Variants in KAZN observed in about 807,000 individuals in gnomAD.
The protein encoded by KAZN is kazrin, periplakin interacting protein.
Under a neutral mutation model 87.4 loss-of-function variants are expected in KAZN, and 40 were observed. The observed-to-expected ratio is 0.46, with a 90% CI of 0.36 to 0.60. The LOEUF is 0.60. Ranked by LOEUF, KAZN falls within the 20% of genes least tolerant of loss-of-function variation. KAZN has a pLI of 0.00. For missense variants in KAZN, 898 were observed against 1,073.9 expected (o/e 0.84, Z 2.29); for synonymous variants, 466 against 458.3 (o/e 1.02, Z -0.22).
At chr1:14,588,923 G>T (rs1008209259) in intron 2 of KAZN, among the ~76,000 whole-genome samples, 1 of 152,114 alleles carries the variant, frequency 6.6e-6, no homozygotes, top group South Asian at 2.1e-4. Flanking sequence ...TTGCACTTGC[G>T]GTCCCAGTGT....
At chr1:14,690,925 A>T (rs552312753) in intron 1 of KAZN, among the ~76,000 whole-genome samples, 2 of 152,112 alleles carry the variant, frequency 1.3e-5, no homozygotes, top group East Asian at 3.9e-4. Flanking sequence ...TATTCTTCCT[A>T]ATTTTGCAGA....
chr1:14,041,955 T>C (rs1209189503), intron 1 of KAZN, among the ~76,000 whole-genome samples: 1 of 152,208 alleles, frequency 6.6e-6, no homozygotes, highest in African/African-American at 2.4e-5. Flanking sequence ...TGATCCTTTG[T>C]GACATTCCTC....
intron 2 of KAZN, among the ~76,000 whole-genome samples, chr1:15,016,611 T>A (rs572906565): frequency 8.5e-5 from 13 of 152,194 alleles, no homozygotes; most frequent in African/African-American, 3.1e-4. Flanking sequence ...TTTTAAGCCC[T>A]CAGATTGTGG....
At chr1:14,141,767 T>G (rs77467332) in intron 1 of KAZN, among the ~76,000 whole-genome samples, 1 of 152,104 alleles carries the variant, frequency 6.6e-6, no homozygotes. Flanking sequence ...CTGAATGCAA[T>G]TTTTTTAAGG....
At chr1:14,726,100 C>T (rs981004640) in intron 1 of KAZN, among the ~76,000 whole-genome samples, 1 of 152,210 alleles carries the variant, frequency 6.6e-6, no homozygotes, top group Non-Finnish European at 1.5e-5. Flanking sequence ...CCAGCCTCAC[C>T]TCATCTGGCA....
intron 2 of KAZN, among the ~76,000 whole-genome samples, chr1:14,243,469 C>G (rs11577820): frequency 0.04 from 6,155 of 152,172 alleles, 179 homozygotes; most frequent in South Asian, 0.079. Context: ...ATAAACGTGG[C>G]GATGGTCGGT....
chr1:14,431,821 G>T (rs1165004511), intron 2 of KAZN, among the ~76,000 whole-genome samples: 1 of 152,176 alleles, frequency 6.6e-6, no homozygotes, highest in Non-Finnish European at 1.5e-5. Context: ...ACTGAAGGCT[G>T]CACTGTTGTC....
intron 2 of KAZN, among the ~76,000 whole-genome samples, chr1:15,001,419 T>C (rs972657892): frequency 7.2e-5 from 11 of 151,748 alleles, no homozygotes; most frequent in Admixed American, 7.2e-4. Flanking sequence ...TGAGCCCAGA[T>C]TGCACCACTA....
intron 1 of KAZN, among the ~76,000 whole-genome samples, chr1:14,033,371 G>A (rs1449379446): frequency 6.6e-6 from 1 of 152,180 alleles, no homozygotes; most frequent in Non-Finnish European, 1.5e-5. Context: ...AAACGAGGAG[G>A]CTCTGAATGC....
chr1:14,457,824 G>T (rs10803281), intron 2 of KAZN, among the ~76,000 whole-genome samples: 75,261 of 142,246 alleles, frequency 0.53, 19,773 homozygotes, highest in African/African-American at 0.65. Context: ...TTTTTGTTTT[G>T]TTTTTTTTTT....
intron 1 of KAZN, among the ~76,000 whole-genome samples, chr1:13,950,298 C>T (rs912070655): frequency 6.6e-6 from 1 of 152,192 alleles, no homozygotes; most frequent in African/African-American, 2.4e-5. Flanking sequence ...CCTTCCAGGT[C>T]ACCTCTTCTG....
At chr1:14,190,108 G>A (rs12066612) in intron 2 of KAZN, among the ~76,000 whole-genome samples, 1 of 152,082 alleles carries the variant, frequency 6.6e-6, no homozygotes, top group East Asian at 1.9e-4. Flanking sequence ...GTGTAGGCTT[G>A]TGACAGAGCT....
chr1:14,410,810 G>A (rs1046265013), intron 2 of KAZN, among the ~76,000 whole-genome samples: 2 of 152,120 alleles, frequency 1.3e-5, no homozygotes, highest in African/African-American at 4.8e-5. Context: ...AGATGCCAGC[G>A]GCCACCAGAA....
At chr1:14,695,808 C>G (rs1341785092) in intron 1 of KAZN, among the ~76,000 whole-genome samples, 1 of 151,932 alleles carries the variant, frequency 6.6e-6, no homozygotes, top group Non-Finnish European at 1.5e-5. Flanking sequence ...CCGGCCTCTC[C>G]ACCCTGTCTT....
chr1:14,678,769 C>T (rs1292547167), intron 1 of KAZN, among the ~76,000 whole-genome samples: 2 of 152,186 alleles, frequency 1.3e-5, no homozygotes, highest in Admixed American at 6.5e-5. Flanking sequence ...TATGGCCCTA[C>T]TCTTTGCCTG....
chr1:14,354,002 T>C (rs538118222), intron 2 of KAZN, among the ~76,000 whole-genome samples: 108 of 152,294 alleles, frequency 7.1e-4, no homozygotes, highest in African/African-American at 2.5e-3. Flanking sequence ...TTAGAGGACT[T>C]TCTCTGACTT....
intron 2 of KAZN, among the ~76,000 whole-genome samples, chr1:14,491,103 C>T (rs1371892748): frequency 2.0e-5 from 3 of 152,174 alleles, no homozygotes; most frequent in Admixed American, 6.5e-5. Context: ...TTCCTCATGT[C>T]GATCCTACTC....
intron 1 of KAZN, among the ~76,000 whole-genome samples, chr1:14,946,844 C>T (rs935648687): frequency 3.9e-5 from 6 of 152,092 alleles, no homozygotes; most frequent in Admixed American, 3.3e-4. Flanking sequence ...CCAGTGGCCG[C>T]GCGGTTGAGG....
intron 1 of KAZN, among the ~76,000 whole-genome samples, chr1:14,732,229 C>T (rs1009668053): frequency 2.6e-5 from 4 of 152,316 alleles, no homozygotes; most frequent in South Asian, 4.1e-4. Flanking sequence ...ACCACCAAGA[C>T]CAGTGCAGAA....
Sources: allele counts gnomAD v4.1 joint callset (sites outside exome capture counted in the v4.1 genomes callset), GRCh38; gene constraint gnomAD v4.1.1; transcripts MANE v1.5; gene names NCBI Gene and HGNC (gene_info 2026-07-23, HGNC 2026-07-21).